The following PIGK variants were observed in gnomAD, a reference collection of about 807,000 sequenced individuals.
PIGK encodes phosphatidylinositol glycan anchor biosynthesis class K.
Under a neutral mutation model 50.6 loss-of-function variants are expected in PIGK, and 42 were observed. The observed-to-expected ratio is 0.83, with a 90% CI of 0.65 to 1.07. PIGK has a LOEUF of 1.07. Among genes scored for constraint, PIGK ranks in the 50% least tolerant of loss-of-function variants. The probability of loss-of-function intolerance (pLI) is 0.00; values close to 1 mark genes in which losing one functional copy is unlikely to be tolerated. For missense variants in PIGK, 448 were observed against 488.7 expected (o/e 0.92, Z 0.78); for synonymous variants, 151 against 156.0 (o/e 0.97, Z 0.24).
rs143091850 is a variant in PIGK, at chr1:77,122,319, G to A, written c.1027C>T (p.Leu343=). 1.2e-5 allele frequency: 19 copies of A among 1,607,454 alleles called. No individual in the cohort carries two copies. In the African/African-American group the frequency reaches 1.9e-4, roughly 16 times the overall value. The change falls in exon 10 of 11, where the codon CTG becomes TTG. Residue 343 remains leucine (L), a synonymous_variant. Transcript: ENST00000370812. ...ACAGGAAGTTGTTCAGCATATTTCAGAGGTTCCATTAGTTTCTCATCCATC... is the reference window on the plus strand; with the variant it reads ...ACAGGAAGTTGTTCAGCATATTTCAAAGGTTCCATTAGTTTCTCATCCATC... The part of the protein sequence containing the change: ...DQMDEKLMEP[L]KYAEQLPVAQ...
chr1:77,182,541 C>T (rs1655642976), intron 3 of PIGK, among the ~76,000 whole-genome samples: 1 of 152,152 alleles, frequency 6.6e-6, no homozygotes, highest in African/African-American at 2.4e-5. Flanking sequence ...CACACACACA[C>T]ACACACACAT....
At chr1:77,209,945 C>T (rs1570266000) in intron 2 of PIGK, among the ~76,000 whole-genome samples, 1 of 151,988 alleles carries the variant, frequency 6.6e-6, no homozygotes, top group East Asian at 1.9e-4. Context: ...AAGCCATTTT[C>T]CCTGTCTTCT....
At chr1:77,123,611 T>C (rs1180919828) in intron 9 of PIGK, among the ~76,000 whole-genome samples, 1 of 151,370 alleles carries the variant, frequency 6.6e-6, no homozygotes, top group East Asian at 1.9e-4. Flanking sequence ...GAAAGCAGAA[T>C]GGTGGCTGCC....
intron 9 of PIGK, among the ~76,000 whole-genome samples, chr1:77,142,540 G>A (rs1336789148): frequency 3.3e-5 from 5 of 151,998 alleles, no homozygotes; most frequent in Non-Finnish European, 5.9e-5. Flanking sequence ...ATCCAAGCTG[G>A]GTAATTTATA....
At chr1:77,215,543 A>G (rs1395224220) in intron 1 of PIGK, among the ~76,000 whole-genome samples, 2 of 152,176 alleles carry the variant, frequency 1.3e-5, no homozygotes, top group African/African-American at 4.8e-5. Flanking sequence ...TAAAACTACC[A>G]TATGATCCAG....
intron 3 of PIGK, among the ~76,000 whole-genome samples, chr1:77,194,031 T>C (rs185970676): frequency 1.7e-3 from 261 of 151,490 alleles, no homozygotes; most frequent in African/African-American, 6.1e-3. Flanking sequence ...GCAAAGGACA[T>C]GAACAGACAC....
rs749423746 is a variant in PIGK at position 77,130,297 on chromosome 1, C to CAAAA, written c.987-7942_987-7939dup. 1.5e-3 allele frequency among the ~76,000 whole-genome samples: 61 copies of CAAAA among 41,500 alleles called. 12 individuals are homozygous for CAAAA. Among genetic ancestry groups the CAAAA allele is most frequent in the African/African-American group, 1.6e-3 (21 of 12,942 alleles). 27.2% of individuals were successfully genotyped at this position (41,500 alleles called of 152,430 possible). ...TGTGACACCTTTCCCTACTCCTAAG[C>CAAAA]AAAAAAAAAAAAAAAAAAAAAAAAA... On this transcript the variant is annotated intron_variant, in intron 9 of 10. Coordinates refer to ENST00000370812, the MANE Select transcript of PIGK (RefSeq NM_005482.3).
At chr1:77,142,558 G>A (rs1362297729) in intron 9 of PIGK, among the ~76,000 whole-genome samples, 1 of 152,126 alleles carries the variant, frequency 6.6e-6, no homozygotes, top group Non-Finnish European at 1.5e-5. Flanking sequence ...ATAAAGGAAA[G>A]CATTTTAATT....
In PIGK at chr1:77,096,895, T is replaced by G. The variant is rs988235569; in HGVS notation, c.1072-4405A>C. On this transcript the variant is annotated intron_variant, in intron 10 of 10. Transcript: ENST00000370812. The stretch of plus-strand genomic sequence containing the variant: ...TTCGGGTTTTTCTTTTTTTTTTTTT[T>G]TTGTTTTTTTGTTTTTTTGTTTTGT... 5.7e-3 allele frequency among the ~76,000 whole-genome samples: 831 copies of G among 146,480 alleles called. 4 individuals are homozygous for G. Among genetic ancestry groups the G allele is most frequent in the African/African-American group, 9.4e-3 (362 of 38,380 alleles).
intron 3 of PIGK, among the ~76,000 whole-genome samples, chr1:77,189,491 A>T (rs544009009): frequency 6.6e-6 from 1 of 152,144 alleles, no homozygotes; most frequent in South Asian, 2.1e-4. Flanking sequence ...CAGGGTGGCT[A>T]GAATATAAAG....
At chr1:77,195,014 A>G (rs1655998571) in intron 3 of PIGK, 1 of 752,362 alleles carries the variant, frequency 1.3e-6, no homozygotes. Context: ...AACTCCACCA[A>G]GCTCCTGCAG....
chr1:77,187,457 G>A (rs1244832729), intron 3 of PIGK, among the ~76,000 whole-genome samples: 2 of 152,130 alleles, frequency 1.3e-5, no homozygotes, highest in Admixed American at 6.6e-5. Context: ...ACTGACACCA[G>A]GAGACACAAC....
chr1:77,169,464 T>C (rs1177514506), intron 3 of PIGK, 69 bp from the exon 4 acceptor site: 5 of 1,258,674 alleles, frequency 4.0e-6, no homozygotes, highest in Non-Finnish European at 4.4e-6. Flanking sequence ...AATTTATTTA[T>C]ATCATGTAGC....
chr1:77,161,848 A>G (rs1655135724), intron 6 of PIGK, 137 bp from the exon 7 acceptor site: 1 of 633,058 alleles, frequency 1.6e-6, no homozygotes, highest in Non-Finnish European at 2.9e-6. Flanking sequence ...AGAATTCCCA[A>G]CAGAAATTTG....
chr1:77,148,850 G>A (rs188058919), intron 9 of PIGK, among the ~76,000 whole-genome samples: 1 of 151,980 alleles, frequency 6.6e-6, no homozygotes, highest in Non-Finnish European at 1.5e-5. Flanking sequence ...AAGTAGCTGG[G>A]ACTACAGGTG....
intron 10 of PIGK, among the ~76,000 whole-genome samples, chr1:77,119,612 A>T (rs187569963): frequency 1.1e-3 from 163 of 152,368 alleles, no homozygotes; most frequent in Non-Finnish European, 1.2e-3. Context: ...AAATGGTAGT[A>T]GTGAGAATCC....
At chr1:77,150,281 G>T (rs909693920) in intron 9 of PIGK, among the ~76,000 whole-genome samples, 1 of 152,028 alleles carries the variant, frequency 6.6e-6, no homozygotes, top group Admixed American at 6.5e-5. Context: ...ACTTTGGGAG[G>T]CCAAGGTGGG....
intron 3 of PIGK, among the ~76,000 whole-genome samples, chr1:77,191,759 C>T (rs1007289244): frequency 6.6e-6 from 1 of 152,200 alleles, no homozygotes; most frequent in African/African-American, 2.4e-5. Flanking sequence ...GGCACAGTGG[C>T]TCATGCCTGT....
At chr1:77,197,550 T>C (rs374904712) in intron 3 of PIGK, among the ~76,000 whole-genome samples, 6 of 152,198 alleles carry the variant, frequency 3.9e-5, no homozygotes, top group East Asian at 3.8e-4. Flanking sequence ...ACAAGGGAAG[T>C]AGAGAGGCAA....
Sources: allele counts gnomAD v4.1 joint callset (sites outside exome capture counted in the v4.1 genomes callset), GRCh38; gene constraint gnomAD v4.1.1; transcripts MANE v1.5; gene names NCBI Gene and HGNC (gene_info 2026-07-23, HGNC 2026-07-21).